The following CDH13 variants were observed in gnomAD, a reference collection of about 807,000 sequenced individuals.
CDH13 encodes the protein cadherin 13.
CDH13 carries 24 observed loss-of-function variants against 63.8 expected under a neutral mutation model. The ratio of observed to expected loss-of-function variants is 0.38; its 90% CI spans 0.27 to 0.53. The LOEUF (loss-of-function observed/expected upper bound fraction) is 0.53. Ranked by LOEUF, CDH13 falls within the 20% of genes least tolerant of loss-of-function variation. CDH13 has a pLI of 0.85. For synonymous variants in CDH13, 503 were observed against 355.3 expected (o/e 1.42, Z -4.67); for missense variants, 1,049 against 903.1 (o/e 1.16, Z -2.07).
At chr16:83,266,891 C>G (rs1907688348) in intron 5 of CDH13, among the ~76,000 whole-genome samples, 1 of 152,212 alleles carries the variant, frequency 6.6e-6, no homozygotes, top group African/African-American at 2.4e-5. Flanking sequence ...TCCTAACTAT[C>G]AATGACCCAC....
chr16:83,213,073 A>C (rs2039385029), intron 4 of CDH13, among the ~76,000 whole-genome samples: 1 of 152,148 alleles, frequency 6.6e-6, no homozygotes, highest in Non-Finnish European at 1.5e-5. Context: ...ATCCTTAAGA[A>C]CATAAAAAGT....
intron 4 of CDH13, among the ~76,000 whole-genome samples, chr16:83,139,825 A>C (rs964002920): frequency 6.6e-6 from 1 of 152,134 alleles, no homozygotes; most frequent in African/African-American, 2.4e-5. Context: ...CAACATGGAG[A>C]AACCCCATCT....
chr16:83,519,430 A>G (rs574175903), intron 7 of CDH13, among the ~76,000 whole-genome samples: 1 of 152,364 alleles, frequency 6.6e-6, no homozygotes, highest in East Asian at 1.9e-4. Flanking sequence ...TCAATGAAAA[A>G]GAAACAAATA....
At chr16:82,905,875 A>G (rs1423262884) in intron 2 of CDH13, among the ~76,000 whole-genome samples, 1 of 152,222 alleles carries the variant, frequency 6.6e-6, no homozygotes, top group Non-Finnish European at 1.5e-5. Context: ...GCTACTGGCT[A>G]CAGCATTGTA....
intron 2 of CDH13, among the ~76,000 whole-genome samples, chr16:82,926,708 C>G (rs190339078): frequency 2.6e-3 from 396 of 152,286 alleles, no homozygotes; most frequent in Non-Finnish European, 4.4e-3. Flanking sequence ...ATCTGTGTAA[C>G]CATAGTTATT....
chr16:82,781,767 A>C (rs1025295503), intron 1 of CDH13, among the ~76,000 whole-genome samples: 1 of 152,224 alleles, frequency 6.6e-6, no homozygotes, highest in Non-Finnish European at 1.5e-5. Context: ...TCAGTTGGCA[A>C]AACTGTAAGC....
chr16:83,519,971 A>G (rs538501961), intron 7 of CDH13, among the ~76,000 whole-genome samples: 2 of 152,138 alleles, frequency 1.3e-5, no homozygotes, highest in Non-Finnish European at 2.9e-5. Flanking sequence ...TAAAAACAGC[A>G]AATCATAGCA....
intron 11 of CDH13, among the ~76,000 whole-genome samples, chr16:83,776,594 C>T (rs899060116): frequency 1.3e-5 from 2 of 152,226 alleles, no homozygotes; most frequent in African/African-American, 4.8e-5. Context: ...AGAGTATCGG[C>T]TCGCACTTCT....
intron 5 of CDH13, among the ~76,000 whole-genome samples, chr16:83,335,383 G>A (rs924393603): frequency 9.2e-6 from 1 of 109,024 alleles, no homozygotes; most frequent in African/African-American, 3.6e-5. Context: ...TCAAGGTTTT[G>A]TGTGAGTCAA....
chr16:83,247,152 G>A (rs572832958), intron 5 of CDH13, among the ~76,000 whole-genome samples: 11 of 152,302 alleles, frequency 7.2e-5, no homozygotes, highest in Non-Finnish European at 1.5e-4. Flanking sequence ...CTGGGGAGGT[G>A]GGAAGAACCA....
chr16:83,156,876 G>A (rs980308777), intron 4 of CDH13, among the ~76,000 whole-genome samples: 52 of 152,208 alleles, frequency 3.4e-4, no homozygotes, highest in South Asian at 8.3e-4. Context: ...TCCGGAAGGC[G>A]GCAGAGGCAC....
intron 1 of CDH13, among the ~76,000 whole-genome samples, chr16:82,855,121 G>A (rs2039634314): frequency 6.6e-6 from 1 of 152,212 alleles, no homozygotes; most frequent in Non-Finnish European, 1.5e-5. Flanking sequence ...AATTTGTAAA[G>A]ATAAAACTGT....
At chr16:82,951,568 G>A (rs1228350798) in intron 2 of CDH13, among the ~76,000 whole-genome samples, 2 of 152,158 alleles carry the variant, frequency 1.3e-5, no homozygotes, top group African/African-American at 2.4e-5. Context: ...CTCAGTCCAT[G>A]GCAATGAGTC....
At chr16:83,372,916 C>G (rs967210488) in intron 6 of CDH13, among the ~76,000 whole-genome samples, 3 of 152,092 alleles carry the variant, frequency 2.0e-5, no homozygotes, top group Non-Finnish European at 4.4e-5. Context: ...GAATATGGAT[C>G]TAGGGAAGCC....
intron 10 of CDH13, among the ~76,000 whole-genome samples, chr16:83,739,209 T>C (rs1461148002): frequency 6.6e-6 from 1 of 151,866 alleles, no homozygotes; most frequent in Non-Finnish European, 1.5e-5. Flanking sequence ...CCCCTGGGAG[T>C]CAAGAATTTT....
At chr16:83,102,694 T>C (rs552008154) in intron 3 of CDH13, among the ~76,000 whole-genome samples, 2 of 151,934 alleles carry the variant, frequency 1.3e-5, no homozygotes, top group African/African-American at 4.8e-5. Flanking sequence ...AGTCAGGAGA[T>C]GTGGAGCAGT....
chr16:83,512,246 G>A (rs865879147), intron 7 of CDH13, among the ~76,000 whole-genome samples: 15 of 151,030 alleles, frequency 9.9e-5, no homozygotes, highest in East Asian at 5.9e-4. Context: ...GCGTGAACCC[G>A]GGAGGCGAAG....
At chr16:83,734,599 G>A (rs183523493) in intron 10 of CDH13, among the ~76,000 whole-genome samples, 1,981 of 151,714 alleles carry the variant, frequency 0.013, 34 homozygotes, top group African/African-American at 0.043. Flanking sequence ...GGGGAAGGGG[G>A]GAGGGATAGC....
intron 10 of CDH13, among the ~76,000 whole-genome samples, chr16:83,691,227 C>A (rs945340905): frequency 6.6e-6 from 1 of 152,044 alleles, no homozygotes; most frequent in African/African-American, 2.4e-5. Context: ...GGAGAAGTGG[C>A]AAAGTAACTT....
Sources: allele counts gnomAD v4.1 joint callset (sites outside exome capture counted in the v4.1 genomes callset), GRCh38; gene constraint gnomAD v4.1.1; transcripts MANE v1.5; gene names NCBI Gene and HGNC (gene_info 2026-07-23, HGNC 2026-07-21).